Variants in OR10R2 observed in about 807,000 individuals in gnomAD.
OR10R2 encodes the protein olfactory receptor family 10 subfamily R member 2, also known as olfactory receptor 10R2.
OR10R2 carries 1 observed loss-of-function variant against 2.4 expected under a neutral mutation model. The ratio of observed to expected loss-of-function variants is 0.41; its 90% CI spans 0.15 to 1.95. The LOEUF (loss-of-function observed/expected upper bound fraction) is 1.95, where lower values mean the gene tolerates loss of function less well. Ranked by LOEUF, OR10R2 falls within the 30% of genes most tolerant of loss-of-function variation. The pLI is 0.30. For missense variants in OR10R2, 419 were observed against 373.0 expected (o/e 1.12, Z -1.01); for synonymous variants, 166 against 144.8 (o/e 1.15, Z -1.05).
At chr1:158,478,953 C>T (rs554015389) in intron 1 of OR10R2, among the ~76,000 whole-genome samples, 1 of 152,212 alleles carries the variant, frequency 6.6e-6, no homozygotes, top group East Asian at 1.9e-4. Flanking sequence ...ATAATATCTT[C>T]TTTTGTAAAA....
exon 2 of OR10R2, chr1:158,480,762 G>T (rs147621561): frequency 1.2e-6 from 2 of 1,613,266 alleles, no homozygotes; most frequent in African/African-American, 2.7e-5. Flanking sequence ...GGCTGGTGAC[G>T]GTGACATACA....
Position 158,479,984 on chromosome 1 carries a change from G to GT in OR10R2, c.79dup (p.Ser27PhefsTer5). 1 of 1,613,826 alleles carries GT rather than the reference G, an allele frequency of 6.2e-7. No homozygotes were observed. The highest frequency in any genetic ancestry group is 8.5e-7 in the Non-Finnish European group (1 of 1,179,806). ...ATGGTCACCGAATTCCTGTTGCTGG[G>GT]TTTTTCCAGCCTTGGTGAAATTCAG... is the stretch of plus-strand genomic sequence containing the variant. On this transcript the variant is annotated frameshift_variant, in exon 2 of 2. Transcript: ENST00000641067. LOFTEE classifies it low-confidence loss of function (END_TRUNC).
intron 1 of OR10R2, among the ~76,000 whole-genome samples, chr1:158,476,725 G>A (rs949030703): frequency 6.6e-6 from 1 of 152,098 alleles, no homozygotes; most frequent in African/African-American, 2.4e-5. Context: ...ATGAAAGGGT[G>A]ATGGATCATT....
chr1:158,479,744 T>G, intron 1 of OR10R2, 194 bp from the exon 2 acceptor site: 1 of 619,264 alleles, frequency 1.6e-6, no homozygotes. Flanking sequence ...GAGAAAGAGA[T>G]GTAACTTTGT....
At chr1:158,473,633 T>G (rs549035608) in intron 1 of OR10R2, among the ~76,000 whole-genome samples, 2 of 152,272 alleles carry the variant, frequency 1.3e-5, no homozygotes, top group African/African-American at 4.8e-5. Context: ...GATTAAAACA[T>G]TGGGATAAAA....
At chr1:158,479,875 T>G in intron 1 of OR10R2, 63 bp from the exon 2 acceptor site, 2 of 1,571,514 alleles carry the variant, frequency 1.3e-6, no homozygotes, top group Non-Finnish European at 8.7e-7. Context: ...AACAAAGGAG[T>G]GCATGCCCCA....
At position 158,480,857 on chromosome 1, in the gene OR10R2, AG is replaced by A; in HGVS notation, c.948del (p.Gly318ValfsTer3). On this transcript the variant is annotated frameshift_variant, in exon 2 of 2. Transcript: ENST00000641067. LOFTEE classifies it high-confidence loss of function. The stretch of plus-strand genomic sequence containing the variant: ...CTTGCTATCAGAAAAGTGTTGGGCA[AG>A]AAAGGTTCTCTAAAACTATATAATT... 6.5e-7 allele frequency: 1 copy of A among 1,532,178 alleles called. No individual in the cohort carries two copies. The allele number at this position is 1,532,178 out of a possible 1,614,324, so 94.9% of individuals were successfully genotyped here.
intron 1 of OR10R2, chr1:158,474,805 C>T (rs1318706056): frequency 6.6e-6 from 1 of 152,106 alleles, no homozygotes; most frequent in African/African-American, 2.4e-5. Context: ...CTTCTTTTAT[C>T]TGCTCTCCAT....
At chr1:158,475,635 A>G (rs1656255415) in intron 1 of OR10R2, among the ~76,000 whole-genome samples, 1 of 151,630 alleles carries the variant, frequency 6.6e-6, no homozygotes, top group African/African-American at 2.4e-5. Context: ...TAATATTAAC[A>G]TCTGAAGAAT....
At chr1:158,475,023 A>G (rs930929108) in intron 1 of OR10R2, among the ~76,000 whole-genome samples, 9 of 152,176 alleles carry the variant, frequency 5.9e-5, no homozygotes, top group African/African-American at 2.2e-4. Flanking sequence ...AGCACTCTAT[A>G]TAAATTAATA....
In OR10R2 at chr1:158,480,485, C is replaced by T. The variant is rs764452132; in HGVS notation, c.575C>T (p.Ala192Val). 7.4e-6 allele frequency: 12 copies of T among 1,612,586 alleles called. No homozygotes were observed. In the Admixed American group the frequency reaches 1.7e-4, roughly 22 times the overall value. Residue 192 changes from alanine (A) to valine (V), a missense_variant, in exon 2 of 2, where the codon GCA (alanine) becomes GTA (valine). Ala to Val is a moderately conservative substitution (Grantham distance 64). Coordinates refer to ENST00000641067, the Ensembl canonical transcript of OR10R2. ...AATCATTACTTCTGTGACATCTCAGCAGTCATTCTTCTGGCTTGTACCAAC... is the reference window on the plus strand; with the variant it reads ...AATCATTACTTCTGTGACATCTCAGTAGTCATTCTTCTGGCTTGTACCAAC...
At chr1:158,477,466 C>T (rs900347706) in intron 1 of OR10R2, among the ~76,000 whole-genome samples, 28 of 152,062 alleles carry the variant, frequency 1.8e-4, no homozygotes, top group Admixed American at 3.3e-4. Context: ...TTTTAGGATA[C>T]AAAATCAATC....
chr1:158,477,811 C>T (rs890358891), intron 1 of OR10R2, among the ~76,000 whole-genome samples: 2 of 151,994 alleles, frequency 1.3e-5, no homozygotes, highest in African/African-American at 2.4e-5. Context: ...TTATAAAATT[C>T]ATATGAAACC....
intron 1 of OR10R2, among the ~76,000 whole-genome samples, chr1:158,476,772 T>C (rs1231104887): frequency 6.6e-6 from 1 of 151,976 alleles, no homozygotes; most frequent in African/African-American, 2.4e-5. Flanking sequence ...TTCATAGCAT[T>C]CTGACTGGTG....
intron 1 of OR10R2, among the ~76,000 whole-genome samples, chr1:158,475,616 A>G (rs980187922): frequency 6.6e-6 from 1 of 151,496 alleles, no homozygotes; most frequent in African/African-American, 2.4e-5. Flanking sequence ...CTTGTAATAC[A>G]TTTTTTATTA....
chr1:158,476,340 G>A (rs887470749), intron 1 of OR10R2, among the ~76,000 whole-genome samples: 70 of 152,072 alleles, frequency 4.6e-4, no homozygotes, highest in African/African-American at 1.6e-3. Flanking sequence ...GAGGTCAGGA[G>A]ATCGAGATCA....
intron 1 of OR10R2, among the ~76,000 whole-genome samples, chr1:158,476,791 T>C (rs1656280338): frequency 6.6e-6 from 1 of 152,174 alleles, no homozygotes; most frequent in Non-Finnish European, 1.5e-5. Flanking sequence ...TGTGAAATGG[T>C]ATCTCATTGT....
At chr1:158,476,202 T>C (rs1656264013) in intron 1 of OR10R2, among the ~76,000 whole-genome samples, 1 of 152,158 alleles carries the variant, frequency 6.6e-6, no homozygotes, top group Non-Finnish European at 1.5e-5. Flanking sequence ...TTATTGTTAC[T>C]GATCAATGGT....
At chr1:158,476,451 G>T (rs909443925) in intron 1 of OR10R2, among the ~76,000 whole-genome samples, 7 of 150,974 alleles carry the variant, frequency 4.6e-5, no homozygotes, top group Non-Finnish European at 7.4e-5. Context: ...AGGAGGCTGA[G>T]GCAGGAGAAT....
Sources: gnomAD v4.1 joint callset for allele counts (sites outside exome capture counted in the v4.1 genomes callset) on GRCh38, gnomAD v4.1.1 for gene constraint, MANE v1.5 for transcripts, NCBI Gene and HGNC (gene_info 2026-07-23, HGNC 2026-07-21) for gene names.